FBXO21: variants seen among roughly 807,000 people sequenced by gnomAD.
The protein encoded by FBXO21 is F-box protein 21.
In FBXO21, 32 loss-of-function variants were observed where a neutral mutation model predicts 76.6. That is an observed-to-expected ratio of 0.42 (90% confidence interval 0.32 to 0.56). FBXO21 has a LOEUF of 0.56. FBXO21 is among the 20% of genes least tolerant of loss of function. The pLI, the probability that FBXO21 is intolerant of heterozygous loss-of-function variation, is 0.16. For missense variants in FBXO21, 586 were observed against 797.3 expected (o/e 0.73, Z 3.19); for synonymous variants, 328 against 311.5 (o/e 1.05, Z -0.56).
chr12:117,186,450 C>A, intron 3 of FBXO21, 27 bp downstream of exon 3: 1 of 1,489,696 alleles, frequency 6.7e-7, no homozygotes, highest in East Asian at 2.3e-5. Context: ...TTAAAGCAAA[C>A]AAATCCCTGC....
At chr12:117,146,803 T>C (rs1955775983) in intron 11 of FBXO21, among the ~76,000 whole-genome samples, 1 of 152,150 alleles carries the variant, frequency 6.6e-6, no homozygotes, top group Non-Finnish European at 1.5e-5. Flanking sequence ...AGCAGCCTCT[T>C]TCCAGGGCTG....
chr12:117,177,692 T>A, intron 3 of FBXO21, 51 bp from the exon 4 acceptor site: 2 of 1,533,810 alleles, frequency 1.3e-6, no homozygotes, highest in South Asian at 2.3e-5. Flanking sequence ...TTCAGTTATC[T>A]ATTTTTCACA....
At chr12:117,151,256 A>G (rs1955839641) in intron 11 of FBXO21, among the ~76,000 whole-genome samples, 1 of 152,008 alleles carries the variant, frequency 6.6e-6, no homozygotes, top group Non-Finnish European at 1.5e-5. Context: ...GCACTCTCCC[A>G]CCCAGGGCCA....
At position 117,143,390 on chromosome 12, in the gene FBXO21, A is replaced by G. The variant is rs1471907475; in HGVS notation, c.*2697T>C. 1.3e-4 allele frequency: 20 copies of G among 152,202 alleles called. No individual in the cohort carries two copies. The highest frequency in any genetic ancestry group is 7.3e-5 in the Non-Finnish European group (5 of 68,042). 9.4% of individuals were successfully genotyped at this position (152,202 alleles called of 1,614,324 possible). A position where few individuals can be genotyped will look rare whatever the true frequency, so the allele number is the denominator to read the frequency against. ...TTTTTCCTCCCACATAGTAGGTAGT[A>G]ACATCACACGGAAACAGTGCTCTGA... On this transcript the variant is annotated 3_prime_UTR_variant, in exon 12 of 12. Coordinates refer to ENST00000622495, the MANE Select transcript of FBXO21 (RefSeq NM_015002.3).
chr12:117,150,798 C>T (rs958380411), intron 11 of FBXO21, among the ~76,000 whole-genome samples: 2 of 152,162 alleles, frequency 1.3e-5, no homozygotes, highest in African/African-American at 4.8e-5. Flanking sequence ...CCACTTAACA[C>T]TCAACCCCAC....
rs776398020 is a variant in FBXO21 at position 117,166,971 on chromosome 12, C to T, written c.1120G>A (p.Ala374Thr). The change falls in exon 8 of 12, where the codon GCA (alanine) becomes ACA (threonine). Residue 374 changes from alanine to threonine, a missense_variant. Coordinates refer to ENST00000622495, the MANE Select transcript of FBXO21 (RefSeq NM_015002.3). ...TTGACATTGACCACCCCATACAGTG[C>T]TGCAGTCACGTGCTGGCCGATCAAG... ...EYLIGQHVTAALYGVVNVKKV... is the reference protein window; with the variant it reads ...EYLIGQHVTATLYGVVNVKKV... The T allele has an allele frequency of 6.2e-7, 1 of 1,614,168 alleles. No individual in the cohort carries two copies. The highest frequency in any genetic ancestry group is 8.5e-7 in the Non-Finnish European group (1 of 1,179,996).
intron 10 of FBXO21, among the ~76,000 whole-genome samples, chr12:117,156,928 A>G (rs1448417466): frequency 6.6e-6 from 1 of 152,206 alleles, no homozygotes; most frequent in Non-Finnish European, 1.5e-5. Context: ...TCACGCCTGT[A>G]ATCCTAGTAC....
At chr12:117,159,638 C>T (rs1456175634) in intron 9 of FBXO21, among the ~76,000 whole-genome samples, 15 of 152,160 alleles carry the variant, frequency 9.9e-5, no homozygotes, top group African/African-American at 2.4e-5. Context: ...GTGGGACACT[C>T]GCAGATTTAC....
At chr12:117,170,157 A>C (rs1331992333) in intron 7 of FBXO21, among the ~76,000 whole-genome samples, 1 of 151,664 alleles carries the variant, frequency 6.6e-6, no homozygotes, top group Non-Finnish European at 1.5e-5. Flanking sequence ...AAAAAAAAAA[A>C]AAAAAAGGAA....
chr12:117,158,100 T>G (rs1447780230), intron 9 of FBXO21, 37 bp from the exon 10 acceptor site: 28 of 1,612,156 alleles, frequency 1.7e-5, no homozygotes, highest in Non-Finnish European at 2.4e-5. Flanking sequence ...AGATAATATT[T>G]TCAGCTAGGC....
intron 11 of FBXO21, among the ~76,000 whole-genome samples, chr12:117,148,115 T>C (rs1955799325): frequency 6.6e-6 from 1 of 152,106 alleles, no homozygotes; most frequent in African/African-American, 2.4e-5. Context: ...CTTTAACTGG[T>C]AGTCTTTGGG....
chr12:117,173,915 A>T (rs763530873), intron 6 of FBXO21, among the ~76,000 whole-genome samples: 1 of 152,282 alleles, frequency 6.6e-6, no homozygotes, highest in African/African-American at 2.4e-5. Context: ...AGGCCAAGGC[A>T]GGAGGATCAC....
intron 11 of FBXO21, among the ~76,000 whole-genome samples, chr12:117,147,597 C>CAAAAAAAAAAAA (rs57318190): frequency 1.1e-5 from 1 of 87,402 alleles, no homozygotes; most frequent in African/African-American, 4.9e-5. Context: ...GACTCCATCT[C>CAAAAAAAAAAAA]AAAAAAAAAA....
chr12:117,183,159 T>C (rs1472744684), intron 3 of FBXO21, among the ~76,000 whole-genome samples: 1 of 151,846 alleles, frequency 6.6e-6, no homozygotes, highest in Non-Finnish European at 1.5e-5. Flanking sequence ...TATTTATTTC[T>C]AAAAACACTA....
intron 9 of FBXO21, among the ~76,000 whole-genome samples, chr12:117,158,332 G>A (rs1955940523): frequency 6.6e-6 from 1 of 152,162 alleles, no homozygotes; most frequent in Admixed American, 6.5e-5. Context: ...AACCTGAGGA[G>A]TTCTTTGGAA....
chr12:117,147,247 A>G lies in FBXO21; in HGVS notation c.1676-970T>C, dbSNP rs917806418. The stretch of plus-strand genomic sequence containing the variant: ...ACAAGAGCAAAAGTCCATCTCAAAA[A>G]AAAGAAAGAAAGAAAGAAATAGAAA... On this transcript the variant is annotated intron_variant, in intron 11 of 11. Transcript: ENST00000622495. Among the ~76,000 whole-genome samples the G allele has an allele frequency of 1.1e-4, 16 of 150,472 alleles. No individual in the cohort carries two copies. The East Asian group carries it at 1.6e-3, about 15-fold the overall frequency.
intron 2 of FBXO21, 150 bp from the exon 3 acceptor site, chr12:117,186,721 A>G (rs1956286588): frequency 1.8e-6 from 1 of 549,360 alleles, no homozygotes; most frequent in South Asian, 2.6e-5. Context: ...TCATGGGTAG[A>G]AAATAACATA....
chr12:117,167,167 T>C (rs1956062871), intron 7 of FBXO21, 90 bp from the exon 8 acceptor site: 2 of 966,906 alleles, frequency 2.1e-6, no homozygotes, highest in South Asian at 1.5e-5. Flanking sequence ...GGCTGAAGGT[T>C]GAGACCATAA....
intron 6 of FBXO21, among the ~76,000 whole-genome samples, chr12:117,172,892 C>T (rs12304192): frequency 0.2 from 30,360 of 152,118 alleles, 3,444 homozygotes; most frequent in East Asian, 0.43. Flanking sequence ...TAACATGAAA[C>T]TCAAATTTCA....
Sources: allele counts gnomAD v4.1 joint callset (sites outside exome capture counted in the v4.1 genomes callset), GRCh38; gene constraint gnomAD v4.1.1; transcripts MANE v1.5; gene names NCBI Gene and HGNC (gene_info 2026-07-23, HGNC 2026-07-21).